Variants in ZNF124 observed in about 807,000 individuals in gnomAD.
ZNF124 encodes the protein zinc finger protein 124, also known as zinc finger protein HZF-16.
Under a neutral mutation model 26.6 loss-of-function variants are expected in ZNF124, and 25 were observed. The ratio of observed to expected loss-of-function variants is 0.94; its 90% confidence interval spans 0.68 to 1.31. ZNF124 has a LOEUF of 1.31. ZNF124 is among the 40% of genes most tolerant of loss of function. The pLI, the probability that ZNF124 is intolerant of heterozygous loss-of-function variation, is 0.00. For synonymous variants in ZNF124, 129 were observed against 133.3 expected (o/e 0.97, Z 0.22); for missense variants, 444 against 422.2 (o/e 1.05, Z -0.45).
intron 3 of ZNF124, among the ~76,000 whole-genome samples, chr1:247,148,732 G>A (rs928336613): frequency 2.6e-5 from 4 of 151,998 alleles, no homozygotes; most frequent in Non-Finnish European, 5.9e-5. Context: ...AGGCCGAGGC[G>A]GGCAGATCAC....
Position 247,156,866 on chromosome 1 carries a change from A to C in ZNF124, c.756T>G (p.His252Gln). ...GTTCTTCACCAGCATGAGCCTTTAT[A>C]TGTCCTTGCAAGGAACTGAGACAAC... is the stretch of plus-strand genomic sequence containing the variant. The part of the protein sequence containing the change: ...AFSCLSSLQG[H>Q]IKAHAGEEPY... The change falls in exon 4 of 4, where the codon CAT becomes CAG. Residue 252 changes from histidine to glutamine, a missense_variant. By Grantham distance (24) the His-to-Gln change is conservative. Coordinates refer to ENST00000543802, the MANE Select transcript of ZNF124 (RefSeq NM_001297568.2). 6.2e-7 allele frequency: 1 copy of C among 1,614,200 alleles called. No individual in the cohort carries two copies. The highest frequency in any genetic ancestry group is 8.5e-7 in the Non-Finnish European group (1 of 1,180,038).
intron 1 of ZNF124, among the ~76,000 whole-genome samples, chr1:247,161,374 A>G (rs1284459371): frequency 8.5e-5 from 13 of 152,178 alleles, no homozygotes; most frequent in Non-Finnish European, 4.4e-5. Context: ...TTTAATTGGG[A>G]AAAAAATGAA....
At chr1:247,158,567 T>C (rs1026926029) in intron 3 of ZNF124, among the ~76,000 whole-genome samples, 1 of 152,156 alleles carries the variant, frequency 6.6e-6, no homozygotes, top group African/African-American at 2.4e-5. Flanking sequence ...TACATTGAAG[T>C]ATATATTTTT....
intron 1 of ZNF124, among the ~76,000 whole-genome samples, chr1:247,163,167 T>G (rs1470694463): frequency 6.6e-6 from 1 of 152,072 alleles, no homozygotes; most frequent in Non-Finnish European, 1.5e-5. Context: ...AGAGGAAATT[T>G]TATAGCACTA....
At chr1:247,143,243 A>G (rs1041085906) in intron 3 of ZNF124, among the ~76,000 whole-genome samples, 7 of 152,204 alleles carry the variant, frequency 4.6e-5, no homozygotes, top group African/African-American at 9.7e-5. Flanking sequence ...ATGCCTATAT[A>G]TATAATAATA....
In ZNF124 at chr1:247,156,834, G is replaced by A. The variant is rs746974678; in HGVS notation, c.788C>T (p.Pro263Leu). Residue 263 changes from proline (P) to leucine (L), a missense_variant, in exon 4 of 4, where the codon CCA (proline) becomes CTA (leucine). Physicochemically the swap from Pro to Leu is moderately conservative, Grantham distance 98. Transcript: ENST00000543802. ...IKAHAGEEPY[P>L]CKQCGKAFRY... is the part of the protein sequence containing the mutation. ...GAAGGCTTTCCCACATTGCTTACATGGATAGGGTTCTTCACCAGCATGAGC... is the reference window on the plus strand; with the variant it reads ...GAAGGCTTTCCCACATTGCTTACATAGATAGGGTTCTTCACCAGCATGAGC... 1.9e-5 allele frequency: 30 copies of A among 1,612,364 alleles called. No individual in the cohort carries two copies. In the East Asian group the frequency reaches 6.0e-4, roughly 32 times the overall value.
Position 247,157,104 on chromosome 1 carries a change from G to GCA in ZNF124, c.517_518insTG (p.Thr173MetfsTer82). On this transcript the variant is annotated frameshift_variant, in exon 4 of 4. Transcript: ENST00000543802. LOFTEE classifies it high-confidence loss of function. ...CTTACATTCATAGCGTTTTTCTCCAGTGTGAATCCTTTTATGTCTATTAAG... is the reference window on the plus strand; with the variant it reads ...CTTACATTCATAGCGTTTTTCTCCAGCATGTGAATCCTTTTATGTCTATTAAG... 1 of 1,614,138 alleles carries GCA rather than the reference G, an allele frequency of 6.2e-7. No individual in the cohort carries two copies. Among genetic ancestry groups the GCA allele is most frequent in the South Asian group, 1.1e-5 (1 of 91,074 alleles).
intron 3 of ZNF124, among the ~76,000 whole-genome samples, chr1:247,133,798 C>T (rs1026366874): frequency 6.6e-6 from 1 of 151,842 alleles, no homozygotes; most frequent in East Asian, 1.9e-4. Context: ...GGATTACAGG[C>T]ATGCACCACC....
At chr1:247,122,199 C>T (rs1393515145) in exon 4 of ZNF124, 1 of 152,218 alleles carries the variant, frequency 6.6e-6, no homozygotes, top group African/African-American at 2.4e-5. Context: ...TTTGATGAAT[C>T]AGATGAATCA....
chr1:247,160,605 AATCTGGT>A (rs1390907992), intron 1 of ZNF124, among the ~76,000 whole-genome samples: 1 of 152,218 alleles, frequency 6.6e-6, no homozygotes, highest in African/African-American at 2.4e-5. Flanking sequence ...TTATCTAAAC[AATCTGGT>A]ATTTGCTGAA....
Position 247,123,749 on chromosome 1 carries a change from T to C in ZNF124, c.*119A>G, listed in dbSNP as rs1167543101. ...AGGTTTAGAGAAGCTGCTTGATTCG[T>C]GTGGCTTGCAGAGGTGCATGGGCTT... On this transcript the variant is annotated 3_prime_UTR_variant, in exon 4 of 4. Transcript: ENST00000472531. The C allele has an allele frequency of 5.1e-5, 33 of 641,604 alleles. No homozygotes were observed. In the Admixed American group the frequency reaches 8.0e-4, roughly 16 times the overall value. 39.7% of individuals were successfully genotyped at this position (641,604 alleles called of 1,614,324 possible). A position where few individuals can be genotyped will look rare whatever the true frequency, so the allele number is the denominator to read the frequency against.
chr1:247,132,708 C>A lies in ZNF124; in HGVS notation c.219-8837G>T, dbSNP rs140997544. 8.5e-4 allele frequency among the ~76,000 whole-genome samples: 130 copies of A among 152,306 alleles called. No individual in the cohort carries two copies. The East Asian group carries it at 0.021, about 24-fold the overall frequency. ...GTTAAAGATCGACCCCTGACCTAAC[C>A]GGTTGTGTTATCTATAGATTCTAGA... On this transcript the variant is annotated intron_variant, in intron 3 of 3. Transcript: ENST00000472531.
chr1:247,123,800 C>T (rs1008079986), exon 4 of ZNF124: 21 of 700,946 alleles, frequency 3.0e-5, no homozygotes, highest in Non-Finnish European at 5.5e-5. Flanking sequence ...AATCCTGAGT[C>T]CCAGCCCAGC....
downstream of ZNF124, among the ~76,000 whole-genome samples, chr1:247,152,536 A>C (rs1672976394): frequency 1.3e-5 from 2 of 152,134 alleles, no homozygotes; most frequent in Non-Finnish European, 1.5e-5. Context: ...AGTTGGATAA[A>C]TTAACCACGA....
rs192657212 is a variant in ZNF124 at position 247,148,105 on chromosome 1, C to G, written c.218+10901G>C. 1.4e-4 allele frequency among the ~76,000 whole-genome samples: 21 copies of G among 152,330 alleles called. No individual in the cohort carries two copies. The East Asian group carries it at 3.9e-3, about 28-fold the overall frequency. On this transcript the variant is annotated intron_variant, in intron 3 of 3. Transcript: ENST00000472531. ...TTTCTATTTATCCAAAGTGCTCTATCAGCTTTGTGGACTCCTCATTCTTTC... is the reference window on the plus strand; with the variant it reads ...TTTCTATTTATCCAAAGTGCTCTATGAGCTTTGTGGACTCCTCATTCTTTC...
At chr1:247,159,211 G>A in intron 2 of ZNF124, 145 bp from the exon 3 acceptor site, 1 of 676,488 alleles carries the variant, frequency 1.5e-6, no homozygotes, top group Non-Finnish European at 2.4e-6. Flanking sequence ...CATTGTTTGT[G>A]TTATGGGTAC....
chr1:247,167,227 C>A (rs985194008), intron 1 of ZNF124, among the ~76,000 whole-genome samples: 1 of 152,160 alleles, frequency 6.6e-6, no homozygotes, highest in Non-Finnish European at 1.5e-5. Context: ...CAGGAAAGAG[C>A]GGTAGAGAAC....
In ZNF124 at chr1:247,168,560, C is replaced by T. The variant is rs1673910288; in HGVS notation, c.30+3288G>A. Reference sequence around the variant, plus strand: ...ATTAAAAAACAAACAAACAAAAACACTTGCACACGCATGTTAACAGTAGCA... The same window carrying T: ...ATTAAAAAACAAACAAACAAAAACATTTGCACACGCATGTTAACAGTAGCA... On this transcript the variant is annotated intron_variant, in intron 1 of 3. Transcript: ENST00000543802. This position sits in a 1 kb window ranked among gnomAD's most constrained non-coding sequence, Gnocchi z 4.0. Among the ~76,000 whole-genome samples, 1 of 152,098 alleles carries T rather than the reference C, an allele frequency of 6.6e-6. No homozygotes were observed. The highest frequency in any genetic ancestry group is 2.1e-4 in the South Asian group (1 of 4,830).
chr1:247,124,731 G>T (rs184924889), intron 3 of ZNF124, among the ~76,000 whole-genome samples: 1 of 152,190 alleles, frequency 6.6e-6, no homozygotes, highest in African/African-American at 2.4e-5. Flanking sequence ...GTGTGTGTGT[G>T]TATGTGGCTT....
Sources: allele counts gnomAD v4.1 joint callset (sites outside exome capture counted in the v4.1 genomes callset), GRCh38; gene constraint gnomAD v4.1.1; non-coding constraint Gnocchi (gnomAD v3.1); transcripts MANE v1.5; gene names NCBI Gene and HGNC (gene_info 2026-07-23, HGNC 2026-07-21).